The following FHL3 variants were observed in gnomAD, a reference collection of about 807,000 sequenced individuals.
FHL3 encodes four and a half LIM domains 3.
A neutral mutation model predicts 34.3 loss-of-function variants in FHL3; 21 were observed. That is an observed-to-expected ratio of 0.61 (90% confidence interval 0.43 to 0.88). FHL3 has a LOEUF of 0.88. Among genes scored for constraint, FHL3 ranks in the 40% least tolerant of loss-of-function variants. The pLI is 0.00. For missense variants in FHL3, 333 were observed against 373.7 expected (o/e 0.89, Z 0.90); for synonymous variants, 137 against 144.6 (o/e 0.95, Z 0.38).
chr1:38,004,371 C>G (rs551231409), intron 1 of FHL3, among the ~76,000 whole-genome samples: 21 of 152,102 alleles, frequency 1.4e-4, no homozygotes, highest in Non-Finnish European at 2.4e-4. Context: ...CATGGGGGAT[C>G]GGTAGGCTCA....
chr1:38,004,035 C>T (rs566530869), intron 1 of FHL3, among the ~76,000 whole-genome samples: 104 of 152,248 alleles, frequency 6.8e-4, no homozygotes, highest in Middle Eastern at 3.4e-3. Flanking sequence ...AGACCCCTCC[C>T]CCACCTTCTA....
At chr1:38,001,820 T>C (rs1040741668) in intron 1 of FHL3, among the ~76,000 whole-genome samples, 1 of 152,166 alleles carries the variant, frequency 6.6e-6, no homozygotes, top group African/African-American at 2.4e-5. Context: ...ATGGAGCAGC[T>C]CAAGCTGTAA....
At position 37,998,081 on chromosome 1, in the gene FHL3, A is replaced by G; in HGVS notation, c.383T>C (p.Leu128Pro). 2 of 1,614,098 alleles carry G rather than the reference A, an allele frequency of 1.2e-6. No homozygotes were observed. The highest frequency in any genetic ancestry group is 1.7e-6 in the Non-Finnish European group (2 of 1,179,954). Residue 128 changes from leucine to proline, a missense_variant, in exon 4 of 6, where the codon CTG (leucine) becomes CCG (proline). By Grantham distance (98) the Leu-to-Pro change is moderately conservative. Coordinates refer to ENST00000373016, the MANE Select transcript of FHL3 (RefSeq NM_004468.5). ...CAGTGGCTGTTCACAGCCACTGCAC[A>G]GGAAGCAGTGCTCATGCCATGTCTG... ...GGQTWHEHCF[L>P]CSGCEQPLGS...
Position 37,998,994 on chromosome 1 carries a change from C to A in FHL3, c.311G>T (p.Cys104Phe). Residue 104 changes from cysteine (C) to phenylalanine (F), a missense_variant, in exon 3 of 6, where the codon TGT becomes TTT. Physicochemically the swap from Cys to Phe is radical, Grantham distance 205. Transcript: ENST00000373016. ...CSAFSSQCSACGETVMPGSRK... is the reference protein window; with the variant it reads ...CSAFSSQCSAFGETVMPGSRK... Reference sequence around the variant, plus strand: ...CATACCAGGCATGACAGTCTCCCCACAAGCGGAGCACTGCGAGGAAAACGC... The same window carrying A: ...CATACCAGGCATGACAGTCTCCCCAAAAGCGGAGCACTGCGAGGAAAACGC... The A allele has an allele frequency of 1.2e-6, 2 of 1,614,196 alleles. No individual in the cohort carries two copies. Among genetic ancestry groups the A allele is most frequent in the East Asian group, 2.2e-5 (1 of 44,890 alleles).
intron 1 of FHL3, 26 bp downstream of exon 1, chr1:38,005,331 G>A (rs1646633687): frequency 6.7e-6 from 1 of 150,280 alleles, no homozygotes; most frequent in African/African-American, 2.4e-5. Flanking sequence ...GCCAGGGCTG[G>A]GAGCCGGGGT....
Position 37,997,222 on chromosome 1 carries a change from C to A in FHL3, c.*183G>T. ...GACTCATGGAGGCTCTGTAAGAGCCCAGGTTTGGGGCCCTGGGTCAGGGAG... is the reference window on the plus strand; with the variant it reads ...GACTCATGGAGGCTCTGTAAGAGCCAAGGTTTGGGGCCCTGGGTCAGGGAG... On this transcript the variant is annotated 3_prime_UTR_variant, in exon 6 of 6. Coordinates refer to ENST00000373016, the MANE Select transcript of FHL3 (RefSeq NM_004468.5). This position sits in a 1 kb window ranked among gnomAD's most constrained non-coding sequence, Gnocchi z 4.3. The A allele has an allele frequency of 1.6e-6, 1 of 642,994 alleles. No individual in the cohort carries two copies. The allele number at this position is 642,994 out of a possible 1,614,324, so 39.8% of individuals were successfully genotyped here. A position where few individuals can be genotyped will look rare whatever the true frequency, so the allele number is the denominator to read the frequency against.
At position 37,999,339 on chromosome 1, in the gene FHL3, C is replaced by A. The variant is rs1646569627; in HGVS notation, c.74G>T (p.Gly25Val). 1 of 1,614,130 alleles carries A rather than the reference C, an allele frequency of 6.2e-7. No individual in the cohort carries two copies. The highest frequency in any genetic ancestry group is 8.5e-7 in the Non-Finnish European group (1 of 1,180,054). The change falls in exon 2 of 6, where the codon GGC becomes GTC. Residue 25 changes from glycine to valine, a missense_variant. Coordinates refer to ENST00000373016, the MANE Select transcript of FHL3 (RefSeq NM_004468.5). ...GTCATAGCAGGGCACACAGTAGGGG[C>A]CGCTGTCTGTCTGGATGTACTTGCG... Reference protein sequence around the residue: ...YGRKYIQTDSGPYCVPCYDNT... With the variant: ...YGRKYIQTDSVPYCVPCYDNT...
Position 37,997,913 on chromosome 1 carries a change from C to T in FHL3, c.502-43G>A. The stretch of plus-strand genomic sequence containing the variant: ...ATTAGTAGGTATGAGTGGGGATTCC[C>T]ACCCCACAACAGGCCTCACTCACCC... On this transcript the variant is annotated intron_variant, in intron 4 of 5. Coordinates refer to ENST00000373016, the MANE Select transcript of FHL3 (RefSeq NM_004468.5). The surrounding 1 kb of genome is among the most constrained non-coding windows in gnomAD (Gnocchi z 4.3). 4 of 1,613,614 alleles carry T rather than the reference C, an allele frequency of 2.5e-6. No homozygotes were observed. The highest frequency in any genetic ancestry group is 3.4e-6 in the Non-Finnish European group (4 of 1,179,684).
chr1:38,004,633 G>T (rs1455648349), intron 1 of FHL3, among the ~76,000 whole-genome samples: 2 of 152,060 alleles, frequency 1.3e-5, no homozygotes, highest in Non-Finnish European at 2.9e-5. Flanking sequence ...CTCAAGTCTT[G>T]GTCTCTTCTT....
In FHL3 at chr1:37,997,690, T is replaced by A; in HGVS notation, c.682A>T (p.Ile228Phe). Residue 228 changes from isoleucine to phenylalanine, a missense_variant, in exon 5 of 6, where the codon ATC (isoleucine) becomes TTC (phenylalanine). Ile to Phe is a conservative substitution (Grantham distance 21). Transcript: ENST00000373016. This position sits in a 1 kb window ranked among gnomAD's most constrained non-coding sequence, Gnocchi z 4.3. ...TCTTTGACCCTTGTCCCACCTACGA[T>A]GGGGCGCTTGCAGCTGCTGCACTTA... ...APKCSSCKRP[I>F]VGLGGGKYVS... 1 of 1,614,048 alleles carries A rather than the reference T, an allele frequency of 6.2e-7. No homozygotes were observed. The highest frequency in any genetic ancestry group is 8.5e-7 in the Non-Finnish European group (1 of 1,179,972).
rs1402133639 is a variant in FHL3, at chr1:37,997,934, C to T, written c.501+29G>A. 6.2e-6 allele frequency: 10 copies of T among 1,613,942 alleles called. No homozygotes were observed. The highest frequency in any genetic ancestry group is 5.9e-6 in the Non-Finnish European group (7 of 1,179,926). On this transcript the variant is annotated intron_variant, in intron 4 of 5. Coordinates refer to ENST00000373016, the MANE Select transcript of FHL3 (RefSeq NM_004468.5). The surrounding 1 kb of genome is among the most constrained non-coding windows in gnomAD (Gnocchi z 4.3). ...TTCCCACCCCACAACAGGCCTCACT[C>T]ACCCCCACCTGGCTGGCCCAGCCCC...
At chr1:38,004,174 T>C (rs575890938) in intron 1 of FHL3, among the ~76,000 whole-genome samples, 4 of 151,928 alleles carry the variant, frequency 2.6e-5, no homozygotes, top group South Asian at 4.2e-4. Flanking sequence ...GGGAAGGGGG[T>C]TGGGGAGCAA....
chr1:37,997,523 C>T lies in FHL3; in HGVS notation c.725G>A (p.Arg242Gln), dbSNP rs755857737. Residue 242 changes from arginine (R) to glutamine (Q), a missense_variant, in exon 6 of 6, where the codon CGA becomes CAA. Coordinates refer to ENST00000373016, the MANE Select transcript of FHL3 (RefSeq NM_004468.5). The surrounding 1 kb of genome is among the most constrained non-coding windows in gnomAD (Gnocchi z 4.3). ...GGGKYVSFEDRHWHHNCFSCA... is the reference protein window; with the variant it reads ...GGGKYVSFEDQHWHHNCFSCA... ...GGAGAAGCAGTTGTGGTGCCAGTGT[C>T]GGTCTTCAAAGGACACATACTTGCC... is the stretch of plus-strand genomic sequence containing the variant. 28 of 1,613,706 alleles carry T rather than the reference C, an allele frequency of 1.7e-5. No individual in the cohort carries two copies. The highest frequency in any genetic ancestry group is 1.6e-4 in the Middle Eastern group (1 of 6,080).
Position 37,999,359 on chromosome 1 carries a change from C to T in FHL3, c.54G>A (p.Lys18=). The change falls in exon 2 of 6, where the codon AAG becomes AAA. Residue 18 remains lysine, a synonymous_variant. Transcript: ENST00000373016. ...AKCNESLYGR[K]YIQTDSGPYC... ...AGGGGCCGCTGTCTGTCTGGATGTA[C>T]TTGCGTCCATACAGGGACTCGTTGC... The T allele has an allele frequency of 6.2e-7, 1 of 1,614,244 alleles. No homozygotes were observed. The highest frequency in any genetic ancestry group is 8.5e-7 in the Non-Finnish European group (1 of 1,180,042).
chr1:37,997,570 G>A lies in FHL3; in HGVS notation c.689-11C>T. On this transcript the variant is annotated splice_polypyrimidine_tract_variant and intron_variant, in intron 5 of 5. Coordinates refer to ENST00000373016, the MANE Select transcript of FHL3 (RefSeq NM_004468.5). The surrounding 1 kb of genome is among the most constrained non-coding windows in gnomAD (Gnocchi z 4.3). ...TGCCTCCACCGAGTCCTGGAGGGAGGCTGGAAGTTAGCTATGCAGATGTGG... is the reference window on the plus strand; with the variant it reads ...TGCCTCCACCGAGTCCTGGAGGGAGACTGGAAGTTAGCTATGCAGATGTGG... 1 of 1,613,766 alleles carries A rather than the reference G, an allele frequency of 6.2e-7. No homozygotes were observed. The highest frequency in any genetic ancestry group is 1.1e-5 in the South Asian group (1 of 91,066).
At chr1:37,998,900 T>C (rs1646563330) in intron 3 of FHL3, 74 bp downstream of exon 3, 3 of 1,476,152 alleles carry the variant, frequency 2.0e-6, no homozygotes, top group Non-Finnish European at 2.8e-6. Flanking sequence ...CAAGTCTCCA[T>C]GTATCAGACA....
At chr1:37,998,214 A>G (rs1646555667) in intron 3 of FHL3, 82 bp from the exon 4 acceptor site, 3 of 1,287,372 alleles carry the variant, frequency 2.3e-6, no homozygotes, top group Non-Finnish European at 3.3e-6. Flanking sequence ...AGGAGTCTCC[A>G]CTCCTCTCTC....
At chr1:37,998,670 A>G (rs1468132748) in intron 3 of FHL3, 2 of 388,858 alleles carry the variant, frequency 5.1e-6, no homozygotes, top group African/African-American at 2.0e-5. Flanking sequence ...CTGCTTCTGC[A>G]TACATTAAGA....
At position 37,997,740 on chromosome 1, in the gene FHL3, G is replaced by C. The variant is rs1288041300; in HGVS notation, c.632C>G (p.Ala211Gly). 1 of 1,614,170 alleles carries C rather than the reference G, an allele frequency of 6.2e-7. No homozygotes were observed. Among genetic ancestry groups the C allele is most frequent in the Admixed American group, 1.7e-5 (1 of 60,034 alleles). ...AGGTGCAAAGAGTTCTCCAAAACAG[G>C]CCACACAGTAGGGATCTTCATCCCG... ...TSRDEDPYCV[A>G]CFGELFAPKC... Residue 211 changes from alanine to glycine, a missense_variant, in exon 5 of 6, where the codon GCC (alanine) becomes GGC (glycine). Coordinates refer to ENST00000373016, the MANE Select transcript of FHL3 (RefSeq NM_004468.5). The surrounding 1 kb of genome is among the most constrained non-coding windows in gnomAD (Gnocchi z 4.3).
Sources: allele counts gnomAD v4.1 joint callset (sites outside exome capture counted in the v4.1 genomes callset), GRCh38; gene constraint gnomAD v4.1.1; non-coding constraint Gnocchi (gnomAD v3.1); transcripts MANE v1.5; gene names NCBI Gene and HGNC (gene_info 2026-07-23, HGNC 2026-07-21).